The following CLN3 variants were observed in gnomAD, a reference collection of about 807,000 sequenced individuals.
The protein encoded by CLN3 is CLN3 lysosomal/endosomal transmembrane protein, battenin.
Under a neutral mutation model 60.7 loss-of-function variants are expected in CLN3, and 49 were observed. The observed-to-expected ratio is 0.81, with a 90% CI of 0.64 to 1.02. The LOEUF is 1.02. CLN3 is among the 50% of genes least tolerant of loss of function. CLN3 has a pLI of 0.00. For synonymous variants in CLN3, 256 were observed against 245.8 expected, an observed-to-expected ratio of 1.04 and a Z score of -0.39; for missense variants, 516 against 557.4, an observed-to-expected ratio of 0.93 and a Z score of 0.75.
At chr16:28,471,931 G>A (rs1292727289), downstream of CLN3, among the ~76,000 whole-genome samples, 1 of 152,206 alleles carries the variant, frequency 6.6e-6, no homozygotes, top group African/African-American at 2.4e-5. Flanking sequence ...TTGGTAGGCT[G>A]AGGCAGGAGA....
At chr16:28,487,797 C>T (rs2046247422) in intron 5 of CLN3, 56 bp from the exon 6 acceptor site, 2 of 1,453,056 alleles carry the variant, frequency 1.4e-6, no homozygotes, top group East Asian at 2.4e-5. Context: ...ACCCTCCCAA[C>T]CACGTGGCCA....
At chr16:28,485,295 G>A (rs1262382779) in intron 9 of CLN3, among the ~76,000 whole-genome samples, 4 of 146,930 alleles carry the variant, frequency 2.7e-5, no homozygotes, top group African/African-American at 7.5e-5. Flanking sequence ...GGCCGGGCGC[G>A]GTGGCTCACG....
intron 9 of CLN3, among the ~76,000 whole-genome samples, chr16:28,485,968 G>A (rs1207050896): frequency 6.6e-6 from 1 of 151,554 alleles, no homozygotes; most frequent in Non-Finnish European, 1.5e-5. Context: ...CTTGAAGATT[G>A]CAATCATAAT....
Position 28,482,316 on chromosome 16 carries a change from G to A in CLN3, c.962+11C>T, listed in dbSNP as rs1419376753. 12 of 1,612,924 alleles carry A rather than the reference G, an allele frequency of 7.4e-6. No individual in the cohort carries two copies. Among genetic ancestry groups the A allele is most frequent in the South Asian group, 4.4e-5 (4 of 90,930 alleles). ...GGCGCCCTCCCAGCCCACTGCCCTC[G>A]CTCCTCTTACCAGCGGTATTGCTGA... On this transcript the variant is annotated intron_variant, in intron 13 of 15. Coordinates refer to ENST00000636147, the MANE Select transcript of CLN3 (RefSeq NM_001042432.2).
chr16:28,474,351 T>C (rs1362564742), downstream of CLN3: 1 of 151,890 alleles, frequency 6.6e-6, no homozygotes, highest in African/African-American at 2.4e-5. Flanking sequence ...TCCCAGCTAC[T>C]TGGGAGGCTG....
chr16:28,481,464 A>ACACACG (rs1555468039), intron 14 of CLN3, among the ~76,000 whole-genome samples: 14 of 139,810 alleles, frequency 1.0e-4, no homozygotes, highest in Non-Finnish European at 1.5e-4. Flanking sequence ...GCACACACAC[A>ACACACG]CACACACACA....
rs755016673 is a variant in CLN3 at position 28,486,355 on chromosome 16, C to T, written c.669G>A (p.Leu223=). 6.2e-7 allele frequency: 1 copy of T among 1,612,234 alleles called. No homozygotes were observed. The highest frequency in any genetic ancestry group is 8.5e-7 in the Non-Finnish European group (1 of 1,180,006). Residue 223 remains leucine (L), a synonymous_variant, in exon 9 of 16, where the codon CTG becomes CTA. Coordinates refer to ENST00000636147, the MANE Select transcript of CLN3 (RefSeq NM_001042432.2). ...GGCTCAGGGCAGCTCACCTGGCCAG[C>T]AGCAGGGCAGGGATACCCAGCATGG... ...LLSMLGIPAL[L]LASYFLLLTS... is the part of the protein sequence containing the mutation.
downstream of CLN3, chr16:28,474,185 T>C (rs2045973560): frequency 6.6e-6 from 1 of 152,184 alleles, no homozygotes; most frequent in Non-Finnish European, 1.5e-5. Flanking sequence ...GAAGAATAGC[T>C]TGAACCCAGA....
chr16:28,488,478 G>A, intron 5 of CLN3, 113 bp downstream of exon 5: 1 of 940,794 alleles, frequency 1.1e-6, no homozygotes, highest in East Asian at 2.4e-5. Flanking sequence ...CCCAGCCCAG[G>A]TCTCAACTGT....
chr16:28,469,989 G>T (rs1380996993), downstream of CLN3, among the ~76,000 whole-genome samples: 2 of 146,988 alleles, frequency 1.4e-5, no homozygotes, highest in African/African-American at 2.6e-5. Context: ...AAAAAAAAAA[G>T]TCATCAAACC....
chr16:28,474,014 T>G (rs1206911353), downstream of CLN3: 1 of 151,110 alleles, frequency 6.6e-6, no homozygotes, highest in South Asian at 2.1e-4. Context: ...ATGCCTGTAA[T>G]CCCAGCACTC....
At chr16:28,487,271 TCTC>T in intron 7 of CLN3, 182 bp downstream of exon 7, 1 of 666,384 alleles carries the variant, frequency 1.5e-6, no homozygotes, top group Non-Finnish European at 2.8e-6. Context: ...TTTTCTCCCA[TCTC>T]CTCCACTGCC....
At chr16:28,481,440 A>G (rs1359148312) in intron 14 of CLN3, among the ~76,000 whole-genome samples, 2 of 133,692 alleles carry the variant, frequency 1.5e-5, no homozygotes, top group African/African-American at 2.8e-5. Flanking sequence ...ACACACACAC[A>G]CACACACACA....
In CLN3 at chr16:28,482,183, G is replaced by A; in HGVS notation, c.978C>T (p.Tyr326=). The change falls in exon 14 of 16, where the codon TAC becomes TAT. Residue 326 remains tyrosine, a synonymous_variant. Coordinates refer to ENST00000636147, the MANE Select transcript of CLN3 (RefSeq NM_001042432.2). ...AQQYRWYQML[Y]QAGVFASRSS... ...AGCGGGAGGCAAAGACGCCAGCCTGGTACAGCATCTGGTACCTGAGGTTAG... is the reference window on the plus strand; with the variant it reads ...AGCGGGAGGCAAAGACGCCAGCCTGATACAGCATCTGGTACCTGAGGTTAG... 1 of 1,613,400 alleles carries A rather than the reference G, an allele frequency of 6.2e-7. No individual in the cohort carries two copies. The highest frequency in any genetic ancestry group is 1.1e-5 in the South Asian group (1 of 90,958).
At chr16:28,487,964 C>T in intron 5 of CLN3, 1 of 567,370 alleles carries the variant, frequency 1.8e-6, no homozygotes, top group South Asian at 1.9e-5. Context: ...ATGGGAATAT[C>T]ATAGCACCTA....
chr16:28,489,534 G>C, intron 3 of CLN3, 148 bp from the exon 4 acceptor site: 1 of 704,420 alleles, frequency 1.4e-6, no homozygotes, highest in South Asian at 1.5e-5. Context: ...TCAATGTTGG[G>C]GTCAAAAATA....
Position 28,477,745 on chromosome 16 carries a change from C to A in CLN3, c.1189G>T (p.Ala397Ser). The A allele has an allele frequency of 6.2e-7, 1 of 1,614,106 alleles. No individual in the cohort carries two copies. Among genetic ancestry groups the A allele is most frequent in the Non-Finnish European group, 8.5e-7 (1 of 1,180,026 alleles). ...AAYVNTFHNI[A>S]LETSDEHREF... is the part of the protein sequence containing the mutation. The stretch of plus-strand genomic sequence containing the variant: ...GCCCGGCCAATGCTGACCTCCAGGG[C>A]GATGTTGTGGAAGGTGTTCACGTAG... Residue 397 changes from alanine to serine, a missense_variant, in exon 15 of 16, where the codon GCC (alanine) becomes TCC (serine). Coordinates refer to ENST00000636147, the MANE Select transcript of CLN3 (RefSeq NM_001042432.2).
rs772904462 is a variant in CLN3 at position 28,484,144 on chromosome 16, A to C, written c.678-26T>G. ...CTAGGAGTAGGATGAAGGCAGGGTCAGAAAACCCTACTGGCTGGGAAGGTC... is the reference window on the plus strand; with the variant it reads ...CTAGGAGTAGGATGAAGGCAGGGTCCGAAAACCCTACTGGCTGGGAAGGTC... On this transcript the variant is annotated intron_variant, in intron 9 of 15. Transcript: ENST00000636147. The C allele has an allele frequency of 4.2e-5, 65 of 1,554,044 alleles. No individual in the cohort carries two copies. In the East Asian group the frequency reaches 1.4e-3, roughly 34 times the overall value.
At chr16:28,489,248 C>T (rs754781691) in intron 4 of CLN3, 42 bp downstream of exon 4, 3 of 1,501,856 alleles carry the variant, frequency 2.0e-6, no homozygotes, top group Non-Finnish European at 1.8e-6. Context: ...CTCATCTTCC[C>T]ACAGGGACTA....
Sources: allele counts gnomAD v4.1 joint callset (sites outside exome capture counted in the v4.1 genomes callset), GRCh38; gene constraint gnomAD v4.1.1; transcripts MANE v1.5; gene names NCBI Gene and HGNC (gene_info 2026-07-23, HGNC 2026-07-21).